The following ITGAL variants were observed in gnomAD, a reference collection of about 807,000 sequenced individuals.
The protein encoded by ITGAL is integrin alpha-L.
In ITGAL, 68 loss-of-function variants were observed where a neutral mutation model predicts 138.4. The ratio of observed to expected loss-of-function variants is 0.49; its 90% CI spans 0.40 to 0.60. The LOEUF (loss-of-function observed/expected upper bound fraction) is 0.60, where lower values mean the gene tolerates loss of function less well. Ranked by LOEUF, ITGAL falls within the 20% of genes least tolerant of loss-of-function variation. The probability of loss-of-function intolerance (pLI) is 0.00; values close to 1 mark genes in which losing one functional copy is unlikely to be tolerated. For missense variants in ITGAL, 1,256 were observed against 1,478.6 expected, an observed-to-expected ratio of 0.85 and a Z score of 2.47; for synonymous variants, 561 against 584.3, an observed-to-expected ratio of 0.96 and a Z score of 0.57.
rs761080070 is a variant in ITGAL, at chr16:30,494,467, T to C, written c.1365+104T>C. On this transcript the variant is annotated intron_variant, in intron 12 of 30. Transcript: ENST00000356798. This position sits in a 1 kb window ranked among gnomAD's most constrained non-coding sequence, Gnocchi z 4.2. ...CATCCACTTACCATGTGGCAGCCCCTGTGCTAAACATGATCACATTTATCC... is the reference window on the plus strand; with the variant it reads ...CATCCACTTACCATGTGGCAGCCCCCGTGCTAAACATGATCACATTTATCC... 33 of 1,270,392 alleles carry C rather than the reference T, an allele frequency of 2.6e-5. No homozygotes were observed. The highest frequency in any genetic ancestry group is 3.2e-5 in the Non-Finnish European group (30 of 927,840). The allele number at this position is 1,270,392 out of a possible 1,614,324, so 78.7% of individuals were successfully genotyped here. A position where few individuals can be genotyped will look rare whatever the true frequency, so the allele number is the denominator to read the frequency against.
chr16:30,474,472 A>G lies in ITGAL; in HGVS notation c.164+174A>G, dbSNP rs1597058527. 4 of 597,728 alleles carry G rather than the reference A, an allele frequency of 6.7e-6. No homozygotes were observed. In the East Asian group the frequency reaches 1.1e-4, roughly 17 times the overall value. 37.0% of individuals were successfully genotyped at this position (597,728 alleles called of 1,614,324 possible). ...TCCTCAGAGACAGGAGTGAGGGATC[A>G]AAAAGCGGGATACACGCGATCAGGG... On this transcript the variant is annotated intron_variant, in intron 2 of 30. Transcript: ENST00000356798.
At chr16:30,496,048 A>T (rs778836949) in intron 13 of ITGAL, 49 bp from the exon 14 acceptor site, 32 of 1,429,516 alleles carry the variant, frequency 2.2e-5, no homozygotes, top group Non-Finnish European at 2.0e-6. Context: ...TTGTTCTGTG[A>T]CAGCATGCTG....
At chr16:30,518,357 G>A (rs1366882086) in intron 28 of ITGAL, among the ~76,000 whole-genome samples, 1 of 151,392 alleles carries the variant, frequency 6.6e-6, no homozygotes, top group African/African-American at 2.4e-5. Context: ...GCTGAGGCAT[G>A]AGAATCCCTT....
chr16:30,508,679 A>G (rs2051042616), intron 21 of ITGAL, among the ~76,000 whole-genome samples: 1 of 152,020 alleles, frequency 6.6e-6, no homozygotes, highest in African/African-American at 2.4e-5. Flanking sequence ...GGGCAACAGA[A>G]CAATACTCTG....
At chr16:30,498,822 G>T (rs1303005217) in intron 15 of ITGAL, 1 of 378,458 alleles carries the variant, frequency 2.6e-6, no homozygotes, top group Non-Finnish European at 4.8e-6. Flanking sequence ...GATTACTAGA[G>T]CCTGGGAGGC....
At position 30,474,063 on chromosome 16, in the gene ITGAL, G is replaced by C. The variant is rs748504205; in HGVS notation, c.62-133G>C. ...TCCTTCCATATTCCCAGAAGTCAAC[G>C]CCCTGGAGGGGAAGCGCAGGGTGCG... On this transcript the variant is annotated intron_variant, in intron 1 of 30. Transcript: ENST00000356798. 4 of 715,516 alleles carry C rather than the reference G, an allele frequency of 5.6e-6. No individual in the cohort carries two copies. In the African/African-American group the frequency reaches 7.0e-5, roughly 12 times the overall value. The allele number at this position is 715,516 out of a possible 1,614,324, so 44.3% of individuals were successfully genotyped here.
At position 30,479,155 on chromosome 16, in the gene ITGAL, T is replaced by A; in HGVS notation, c.392T>A (p.Leu131His). ...QNTYLSGLCY[L>H]FRQNLQGPML... ...ACCTATCTGAGTGGCCTGTGTTACCTCTTCCGCCAGAATCTGCAGGGTCCC... is the reference window on the plus strand; with the variant it reads ...ACCTATCTGAGTGGCCTGTGTTACCACTTCCGCCAGAATCTGCAGGGTCCC... Residue 131 changes from leucine (L) to histidine (H), a missense_variant, in exon 5 of 31, where the codon CTC (leucine) becomes CAC (histidine). Physicochemically the swap from Leu to His is moderately conservative, Grantham distance 99. Coordinates refer to ENST00000356798, the MANE Select transcript of ITGAL (RefSeq NM_002209.3). 1 of 1,614,160 alleles carries A rather than the reference T, an allele frequency of 6.2e-7. No individual in the cohort carries two copies. Among genetic ancestry groups the A allele is most frequent in the Non-Finnish European group, 8.5e-7 (1 of 1,180,016 alleles).
chr16:30,519,573 C>A (rs541441323), intron 29 of ITGAL, among the ~76,000 whole-genome samples: 37 of 152,140 alleles, frequency 2.4e-4, no homozygotes, highest in Admixed American at 1.4e-3. Flanking sequence ...AGGGAAGCTG[C>A]ATCTAACAGG....
rs1369599548 is a variant in ITGAL at position 30,510,959 on chromosome 16, T to G, written c.2698T>G (p.Cys900Gly). 1 of 1,614,008 alleles carries G rather than the reference T, an allele frequency of 6.2e-7. No homozygotes were observed. Among genetic ancestry groups the G allele is most frequent in the East Asian group, 2.2e-5 (1 of 44,874 alleles). ...DSVELHANVTCNNEDSDLLED... is the reference protein window; with the variant it reads ...DSVELHANVTGNNEDSDLLED... Reference sequence around the variant, plus strand: ...GGTTGAATTGCACGCCAATGTGACCTGGTGAGCAGGCCCCGCCCACATCCC... The same window carrying G: ...GGTTGAATTGCACGCCAATGTGACCGGGTGAGCAGGCCCCGCCCACATCCC... Residue 900 changes from cysteine (C) to glycine (G), a missense_variant and splice_region_variant, in exon 23 of 31, where the codon TGT becomes GGT. By Grantham distance (159) the Cys-to-Gly change is radical. This residue lies in a region of ITGAL where 867 missense variants were observed against 972.5 expected (regional missense o/e 0.89). Transcript: ENST00000356798.
chr16:30,505,318 G>A lies in ITGAL; in HGVS notation c.2292+18G>A. Reference sequence around the variant, plus strand: ...CCTGGGAGGTAAGAGGGGAGAAGGGGCAGGCAGAGAGGCCTGGGAACAAGT... The same window carrying A: ...CCTGGGAGGTAAGAGGGGAGAAGGGACAGGCAGAGAGGCCTGGGAACAAGT... On this transcript the variant is annotated intron_variant, in intron 19 of 30. Coordinates refer to ENST00000356798, the MANE Select transcript of ITGAL (RefSeq NM_002209.3). The A allele has an allele frequency of 6.2e-7, 1 of 1,613,258 alleles. No homozygotes were observed. The highest frequency in any genetic ancestry group is 8.5e-7 in the Non-Finnish European group (1 of 1,179,500).
intron 18 of ITGAL, 63 bp downstream of exon 18, chr16:30,504,327 C>T: frequency 8.0e-7 from 1 of 1,257,226 alleles, no homozygotes; most frequent in Non-Finnish European, 1.2e-6. Context: ...GCAAGAAGAG[C>T]CGCCCATGGC....
Position 30,481,631 on chromosome 16 carries a change from G to A in ITGAL, c.722+47G>A, listed in dbSNP as rs781606207. Reference sequence around the variant, plus strand: ...AGCACGTGTCCTGTGATTTGTTCTGGGTGATCTACCCACTTCCAGCTGCAG... The same window carrying A: ...AGCACGTGTCCTGTGATTTGTTCTGAGTGATCTACCCACTTCCAGCTGCAG... On this transcript the variant is annotated intron_variant, in intron 7 of 30. Transcript: ENST00000356798. 117 of 1,593,092 alleles carry A rather than the reference G, an allele frequency of 7.3e-5. No individual in the cohort carries two copies. The East Asian group carries it at 2.6e-3, about 36-fold the overall frequency.
At chr16:30,488,173 C>T (rs1044195947) in intron 9 of ITGAL, among the ~76,000 whole-genome samples, 7 of 139,348 alleles carry the variant, frequency 5.0e-5, no homozygotes, top group African/African-American at 1.9e-4. Flanking sequence ...CCAGCCTGGG[C>T]AACACAGCAA....
chr16:30,502,580 C>T (rs1373463281), intron 17 of ITGAL, among the ~76,000 whole-genome samples: 2 of 151,402 alleles, frequency 1.3e-5, no homozygotes, highest in Non-Finnish European at 2.9e-5. Context: ...AAACCCATCT[C>T]TACTAAAAAT....
At chr16:30,474,896 T>C (rs1054806383) in intron 2 of ITGAL, among the ~76,000 whole-genome samples, 1 of 147,578 alleles carries the variant, frequency 6.8e-6, no homozygotes, top group Non-Finnish European at 1.5e-5. Flanking sequence ...TTCGCTCTTG[T>C]CGCCCAGGCT....
intron 17 of ITGAL, among the ~76,000 whole-genome samples, chr16:30,503,627 G>A (rs1366089245): frequency 2.7e-5 from 4 of 150,324 alleles, no homozygotes; most frequent in Admixed American, 1.3e-4. Context: ...AGAGAAGGAA[G>A]GAAAAGAGAA....
intron 15 of ITGAL, 84 bp downstream of exon 15, chr16:30,496,650 G>GC (rs1555506790): frequency 7.7e-7 from 1 of 1,300,986 alleles, no homozygotes. Flanking sequence ...ATTTATTTTG[G>GC]TTTTTTTTAG....
chr16:30,496,721 A>G (rs1411864911), intron 15 of ITGAL, among the ~76,000 whole-genome samples, 155 bp downstream of exon 15: 1 of 151,748 alleles, frequency 6.6e-6, no homozygotes, highest in Non-Finnish European at 1.5e-5. Flanking sequence ...AACTCACTGC[A>G]GCCTCGAACT....
Position 30,496,272 on chromosome 16 carries a change from G to C in ITGAL, c.1679G>C (p.Gly560Ala), listed in dbSNP as rs767738577. ...AVYIFNGRHGGLSPQPSQRIE... is the reference protein window; with the variant it reads ...AVYIFNGRHGALSPQPSQRIE... ...TACATCTTCAATGGGAGGCACGGGG[G>C]GCTTAGTCCCCAGCCAAGTCAGGTG... The change falls in exon 14 of 31, where the codon GGG becomes GCG. Residue 560 changes from glycine (G) to alanine (A), a missense_variant. Coordinates refer to ENST00000356798, the MANE Select transcript of ITGAL (RefSeq NM_002209.3). 1.2e-6 allele frequency: 2 copies of C among 1,600,818 alleles called. No individual in the cohort carries two copies. The highest frequency in any genetic ancestry group is 3.4e-5 in the Admixed American group (2 of 58,888).
Sources: gnomAD v4.1 joint callset for allele counts (sites outside exome capture counted in the v4.1 genomes callset) on GRCh38, gnomAD v4.1.1 for gene constraint, gnomAD v4.1.1 regional missense constraint, Gnocchi (gnomAD v3.1) non-coding constraint, MANE v1.5 for transcripts, NCBI Gene and HGNC (gene_info 2026-07-23, HGNC 2026-07-21) for gene names.